NTRK3: variants seen among roughly 807,000 people sequenced by gnomAD.
NTRK3 encodes the protein neurotrophic receptor tyrosine kinase 3, also known as NT-3 growth factor receptor.
NTRK3 carries 24 observed loss-of-function variants against 91.7 expected under a neutral mutation model. The observed-to-expected ratio is 0.26, with a 90% CI of 0.19 to 0.37. The LOEUF (loss-of-function observed/expected upper bound fraction) is 0.37. Ranked by LOEUF, NTRK3 falls within the 10% of genes least tolerant of loss-of-function variation. The pLI is 1.00. For missense variants in NTRK3, 880 were observed against 1,068.9 expected, an observed-to-expected ratio of 0.82 and a Z score of 2.46; for synonymous variants, 483 against 404.0, an observed-to-expected ratio of 1.20 and a Z score of -2.34.
chr15:87,898,026 G>C (rs575256388), intron 17 of NTRK3, among the ~76,000 whole-genome samples: 13 of 152,304 alleles, frequency 8.5e-5, no homozygotes, highest in Non-Finnish European at 1.6e-4. Context: ...AAATGAGATA[G>C]TAAGTGAAAC....
intron 3 of NTRK3, among the ~76,000 whole-genome samples, chr15:88,206,454 G>C (rs571287877): frequency 4.7e-5 from 7 of 148,372 alleles, no homozygotes; most frequent in East Asian, 2.0e-4. Context: ...GTCAGGAGAT[G>C]GAGACCATCC....
At chr15:88,142,326 G>C (rs1006325743) in intron 6 of NTRK3, among the ~76,000 whole-genome samples, 1 of 152,246 alleles carries the variant, frequency 6.6e-6, no homozygotes, top group African/African-American at 2.4e-5. Flanking sequence ...AGCAGCTGCT[G>C]CAAGGCAAAG....
chr15:88,022,337 A>C (rs1177785755), intron 14 of NTRK3, among the ~76,000 whole-genome samples: 9 of 152,204 alleles, frequency 5.9e-5, no homozygotes, highest in Non-Finnish European at 1.0e-4. Context: ...TTTACGCCCA[A>C]GCTGCCTTCT....
chr15:88,072,505 C>A (rs1187477137), intron 13 of NTRK3: 2 of 232,108 alleles, frequency 8.6e-6, no homozygotes, highest in Non-Finnish European at 1.7e-5. Context: ...TTGCCCTTTT[C>A]TTCTTTCCGT....
intron 17 of NTRK3, among the ~76,000 whole-genome samples, chr15:87,892,345 T>C (rs974789989): frequency 2.0e-5 from 3 of 152,316 alleles, no homozygotes; most frequent in African/African-American, 4.8e-5. Flanking sequence ...TGAGAGAAGA[T>C]TGAAAGTAAT....
intron 14 of NTRK3, among the ~76,000 whole-genome samples, chr15:87,969,519 A>AAATATG (rs1405178782): frequency 6.6e-6 from 1 of 152,232 alleles, no homozygotes; most frequent in Admixed American, 6.5e-5. Flanking sequence ...AGGCTGGGGC[A>AAATATG]GCTAAATAAT....
chr15:88,139,749 G>C (rs2042205291), intron 6 of NTRK3, among the ~76,000 whole-genome samples: 4 of 152,136 alleles, frequency 2.6e-5, no homozygotes, highest in Admixed American at 2.0e-4. Flanking sequence ...TCTTTGGCTG[G>C]TGTGCAAGAC....
At chr15:87,937,330 G>A (rs2069389803) in intron 15 of NTRK3, among the ~76,000 whole-genome samples, 2 of 152,206 alleles carry the variant, frequency 1.3e-5, no homozygotes, top group Admixed American at 1.3e-4. Context: ...AGATTGGAGA[G>A]TTTTTATGGA....
chr15:87,925,552 T>C (rs2068229482), intron 17 of NTRK3: 1 of 211,370 alleles, frequency 4.7e-6, no homozygotes, highest in Non-Finnish European at 9.6e-6. Context: ...TAATCAGTGA[T>C]AGCAGAGAGG....
At chr15:87,948,877 G>A (rs930138930) in intron 14 of NTRK3, among the ~76,000 whole-genome samples, 10 of 152,206 alleles carry the variant, frequency 6.6e-5, no homozygotes, top group East Asian at 3.9e-4. Flanking sequence ...TCCATGCCTC[G>A]TCCCTAGGCC....
intron 13 of NTRK3, among the ~76,000 whole-genome samples, chr15:88,039,572 T>G (rs560435045): frequency 5.3e-5 from 8 of 152,324 alleles, no homozygotes; most frequent in African/African-American, 1.9e-4. Context: ...AATGAGGGTG[T>G]AGAGCAAGGA....
intron 5 of NTRK3, among the ~76,000 whole-genome samples, chr15:88,168,828 G>A (rs1426491040): frequency 6.6e-6 from 1 of 152,232 alleles, no homozygotes; most frequent in Non-Finnish European, 1.5e-5. Flanking sequence ...GTTTCGACAA[G>A]CATCAGGAGA....
chr15:88,099,259 T>C (rs1048215236), intron 13 of NTRK3: 3 of 226,612 alleles, frequency 1.3e-5, no homozygotes, highest in Non-Finnish European at 2.6e-5. Context: ...GCCGTCAAAA[T>C]GTGGAGCACG....
intron 13 of NTRK3, among the ~76,000 whole-genome samples, chr15:88,049,132 T>G (rs755307640): frequency 6.6e-6 from 1 of 152,306 alleles, no homozygotes; most frequent in Middle Eastern, 3.4e-3. Flanking sequence ...GAGAATGCAG[T>G]GCAAGGTGGT....
intron 17 of NTRK3, among the ~76,000 whole-genome samples, chr15:87,892,302 C>A (rs533809160): frequency 6.6e-6 from 1 of 152,038 alleles, no homozygotes; most frequent in South Asian, 2.1e-4. Flanking sequence ...TTTCAAACGA[C>A]TGGAGAGGGA....
At chr15:87,939,994 T>C (rs2069666212) in intron 15 of NTRK3, among the ~76,000 whole-genome samples, 1 of 152,194 alleles carries the variant, frequency 6.6e-6, no homozygotes, top group Non-Finnish European at 1.5e-5. Context: ...AGAAGCCCTG[T>C]GGTTAAGGGA....
chr15:87,945,827 A>C (rs958314332), intron 14 of NTRK3, among the ~76,000 whole-genome samples: 24 of 151,914 alleles, frequency 1.6e-4, no homozygotes, highest in Non-Finnish European at 2.9e-4. Flanking sequence ...AAAAAAAAAA[A>C]AACAGATCTC....
rs1349425854 is a variant in NTRK3 at position 88,234,438 on chromosome 15, C to T, written c.248+21468G>A. 2.6e-5 allele frequency among the ~76,000 whole-genome samples: 4 copies of T among 152,200 alleles called. No individual in the cohort carries two copies. The highest frequency in any genetic ancestry group is 6.5e-5 in the Admixed American group (1 of 15,292). ...TTCCTTGGGCCTGCACAGTCTCTCC[C>T]CTCTCGACTTCCCCAGCCAGAATGA... On this transcript the variant is annotated intron_variant, in intron 3 of 18. Transcript: ENST00000394480. The surrounding 1 kb of genome is among the most constrained non-coding windows in gnomAD (Gnocchi z 6.1).
At chr15:88,119,712 G>A (rs1370967339) in intron 13 of NTRK3, among the ~76,000 whole-genome samples, 2 of 152,150 alleles carry the variant, frequency 1.3e-5, no homozygotes, top group East Asian at 1.9e-4. Flanking sequence ...AAACGAGGAG[G>A]AGCAAAGAAT....
Sources: allele counts gnomAD v4.1 joint callset (sites outside exome capture counted in the v4.1 genomes callset), GRCh38; gene constraint gnomAD v4.1.1; non-coding constraint Gnocchi (gnomAD v3.1); transcripts MANE v1.5; gene names NCBI Gene and HGNC (gene_info 2026-07-23, HGNC 2026-07-21).